The following ERP44 variants were observed in gnomAD, a reference collection of about 807,000 sequenced individuals.
ERP44 encodes the protein endoplasmic reticulum protein 44.
ERP44 carries 25 observed loss-of-function variants against 53.4 expected under a neutral mutation model. The ratio of observed to expected loss-of-function variants is 0.47; its 90% CI spans 0.34 to 0.65. The LOEUF is 0.65. ERP44 is among the 30% of genes least tolerant of loss of function. The probability of loss-of-function intolerance (pLI) is 0.01; values close to 1 mark genes in which losing one functional copy is unlikely to be tolerated. For missense variants in ERP44, 338 were observed against 493.2 expected (o/e 0.69, Z 2.98); for synonymous variants, 145 against 161.2 (o/e 0.90, Z 0.76).
At chr9:100,094,213 T>TA (rs201483239) in intron 1 of ERP44, among the ~76,000 whole-genome samples, 31 of 150,966 alleles carry the variant, frequency 2.1e-4, no homozygotes, top group African/African-American at 7.1e-4. Context: ...AATTTTAAGT[T>TA]AAAAAAAAGG....
chr9:100,031,608 T>C (rs1371381267), intron 4 of ERP44, among the ~76,000 whole-genome samples: 1 of 152,204 alleles, frequency 6.6e-6, no homozygotes, highest in Non-Finnish European at 1.5e-5. Context: ...GAGGTTACCT[T>C]TGGTAAAGTT....
chr9:100,098,066 A>T (rs1826668387), intron 1 of ERP44, among the ~76,000 whole-genome samples: 1 of 152,210 alleles, frequency 6.6e-6, no homozygotes, highest in Non-Finnish European at 1.5e-5. Context: ...CTGGGGCAAG[A>T]GGGACTAGGG....
In ERP44 at chr9:100,053,475, C is replaced by T. The variant is rs529422905; in HGVS notation, c.171-943G>A. Among the ~76,000 whole-genome samples the T allele has an allele frequency of 9.9e-5, 15 of 152,260 alleles. No homozygotes were observed. In the South Asian group the frequency reaches 2.3e-3, roughly 23 times the overall value. On this transcript the variant is annotated intron_variant, in intron 3 of 11. Transcript: ENST00000262455. ...ACACCATTAGGCGATTTCTTCATTA[C>T]GTGAACATCATAAAGTATACTTACA...
chr9:100,006,553 A>G lies in ERP44; in HGVS notation c.969T>C (p.Ile323=). The G allele has an allele frequency of 6.2e-7, 1 of 1,611,504 alleles. No individual in the cohort carries two copies. Among genetic ancestry groups the G allele is most frequent in the East Asian group, 2.2e-5 (1 of 44,784 alleles). Residue 323 remains isoleucine, a synonymous_variant, in exon 10 of 12, where the codon ATT becomes ATC. Transcript: ENST00000262455. ...ACACATACATATGCCTAAAGCTGTCAATAGCGATTACAGGACAATCTGCTG... is the reference window on the plus strand; with the variant it reads ...ACACATACATATGCCTAAAGCTGTCGATAGCGATTACAGGACAATCTGCTG... ...KTPADCPVIA[I]DSFRHMYVFG... is the part of the protein sequence containing the mutation.
At chr9:100,096,291 G>A (rs1455251340) in intron 1 of ERP44, among the ~76,000 whole-genome samples, 4 of 151,778 alleles carry the variant, frequency 2.6e-5, no homozygotes, top group African/African-American at 7.3e-5. Flanking sequence ...TTTTCCCAGC[G>A]GAAAACCCTG....
intron 4 of ERP44, among the ~76,000 whole-genome samples, chr9:100,029,627 A>T (rs535509175): frequency 1.3e-5 from 2 of 152,356 alleles, no homozygotes; most frequent in Admixed American, 6.5e-5. Context: ...CTCAAAACCT[A>T]AAAATAGAAC....
chr9:100,010,079 G>A (rs1339810965), intron 8 of ERP44, among the ~76,000 whole-genome samples: 1 of 152,158 alleles, frequency 6.6e-6, no homozygotes, highest in Admixed American at 6.5e-5. Flanking sequence ...ATATTAAACT[G>A]AAAACCCCTT....
At chr9:100,048,516 T>G (rs1383816683) in intron 4 of ERP44, among the ~76,000 whole-genome samples, 2 of 152,024 alleles carry the variant, frequency 1.3e-5, no homozygotes, top group African/African-American at 4.8e-5. Flanking sequence ...CTCCTGGATA[T>G]ATATTAAAAA....
At position 100,006,510 on chromosome 9, in the gene ERP44, C is replaced by T. The variant is rs1409092437; in HGVS notation, c.1012G>A (p.Val338Ile). ...HMYVFGDFKD[V>I]LIPGKLKQFV... Reference sequence around the variant, plus strand: ...AAAAACAAAATGAATACTCACAATACATCTTTGAAGTCTCCAAACACATAC... The same window carrying T: ...AAAAACAAAATGAATACTCACAATATATCTTTGAAGTCTCCAAACACATAC... The change falls in exon 10 of 12, where the codon GTA (valine) becomes ATA (isoleucine). Residue 338 changes from valine (V) to isoleucine (I), a missense_variant. Val to Ile is a conservative substitution (Grantham distance 29). This residue lies in a region of ERP44 where 113 missense variants were observed against 172.6 expected (regional missense o/e 0.65). Transcript: ENST00000262455. 6.3e-7 allele frequency: 1 copy of T among 1,599,774 alleles called. No individual in the cohort carries two copies. Among genetic ancestry groups the T allele is most frequent in the Non-Finnish European group, 8.5e-7 (1 of 1,174,172 alleles).
intron 10 of ERP44, 38 bp downstream of exon 10, chr9:100,006,468 C>G (rs1221844158): frequency 2.1e-6 from 3 of 1,454,882 alleles, no homozygotes; most frequent in Admixed American, 3.7e-5. Context: ...TTTTGAAAAA[C>G]ATATCAGTAA....
At chr9:100,089,749 A>G (rs1251405674) in intron 1 of ERP44, among the ~76,000 whole-genome samples, 1 of 152,188 alleles carries the variant, frequency 6.6e-6, no homozygotes, top group Admixed American at 6.5e-5. Flanking sequence ...TGTGAACAGT[A>G]TATTTTATTA....
rs1830137847 is a variant in ERP44 at position 99,980,523 on chromosome 9, C to T, written c.*2089G>A. The T allele has an allele frequency of 2.0e-5, 3 of 152,864 alleles. No homozygotes were observed. The highest frequency in any genetic ancestry group is 2.0e-4 in the Admixed American group (3 of 15,298). 9.5% of individuals were successfully genotyped at this position (152,864 alleles called of 1,614,324 possible). A position where few individuals can be genotyped will look rare whatever the true frequency, so the allele number is the denominator to read the frequency against. On this transcript the variant is annotated 3_prime_UTR_variant, in exon 12 of 12. Transcript: ENST00000262455. ...TATCCACGCTGTCCTTTCATCCAAG[C>T]ACTTGAGCTTAGTGACTTTTTATAA...
At chr9:100,068,167 C>T (rs1826246802) in intron 1 of ERP44, among the ~76,000 whole-genome samples, 3 of 148,082 alleles carry the variant, frequency 2.0e-5, no homozygotes, top group African/African-American at 7.5e-5. Flanking sequence ...AGTGAGGAGC[C>T]CCTCTCCCCG....
intron 1 of ERP44, among the ~76,000 whole-genome samples, chr9:100,076,256 A>G (rs1023911327): frequency 2.6e-5 from 4 of 152,228 alleles, no homozygotes; most frequent in Admixed American, 2.6e-4. Flanking sequence ...TGGAAGTGAT[A>G]CATACACGAT....
chr9:99,994,549 G>A (rs555335576), intron 10 of ERP44, among the ~76,000 whole-genome samples: 6 of 152,156 alleles, frequency 3.9e-5, no homozygotes, highest in South Asian at 4.2e-4. Context: ...AATACCTAAC[G>A]TAAATGACGA....
chr9:100,065,018 T>C (rs1032561390), intron 1 of ERP44, among the ~76,000 whole-genome samples: 4 of 152,180 alleles, frequency 2.6e-5, no homozygotes, highest in African/African-American at 9.7e-5. Context: ...AAAATACGTT[T>C]AGTATTGCGT....
intron 4 of ERP44, among the ~76,000 whole-genome samples, chr9:100,026,777 T>C (rs1417553796): frequency 6.6e-6 from 1 of 152,152 alleles, no homozygotes; most frequent in Non-Finnish European, 1.5e-5. Flanking sequence ...AGAAGTCAAG[T>C]AATCTTTTTT....
At chr9:100,053,378 G>C (rs1190512867) in intron 3 of ERP44, among the ~76,000 whole-genome samples, 2 of 152,064 alleles carry the variant, frequency 1.3e-5, no homozygotes, top group Admixed American at 6.6e-5. Flanking sequence ...ACTTCTAACT[G>C]TCCCTTAATC....
intron 1 of ERP44, among the ~76,000 whole-genome samples, chr9:100,081,088 A>G (rs1049013235): frequency 1.6e-4 from 24 of 152,122 alleles, no homozygotes; most frequent in Admixed American, 7.9e-4. Context: ...AAAAGAATTT[A>G]TATCAGTAAT....
Sources: allele counts gnomAD v4.1 joint callset (sites outside exome capture counted in the v4.1 genomes callset), GRCh38; gene constraint gnomAD v4.1.1; regional missense constraint gnomAD v4.1.1; transcripts MANE v1.5; gene names NCBI Gene and HGNC (gene_info 2026-07-23, HGNC 2026-07-21).